AFF4: variants seen among roughly 807,000 people sequenced by gnomAD.
AFF4 encodes the protein ALF transcription elongation factor 4.
AFF4 carries 13 observed loss-of-function variants against 124.8 expected under a neutral mutation model. That is an observed-to-expected ratio of 0.10 (90% confidence interval 0.07 to 0.17). The LOEUF (loss-of-function observed/expected upper bound fraction) is 0.17, where lower values mean the gene tolerates loss of function less well. AFF4 is among the 10% of genes least tolerant of loss of function. The pLI, the probability that AFF4 is intolerant of heterozygous loss-of-function variation, is 1.00. For synonymous variants in AFF4, 477 were observed against 496.1 expected (o/e 0.96, Z 0.51); for missense variants, 1,092 against 1,403.8 (o/e 0.78, Z 3.55).
At chr5:132,963,218 G>A in intron 1 of AFF4, 41 bp downstream of exon 1, 1 of 387,600 alleles carries the variant, frequency 2.6e-6, no homozygotes, top group Non-Finnish European at 4.6e-6. Context: ...CAACCCCCGC[G>A]GCCCGGCCCG....
At position 132,877,912 on chromosome 5, in the gene AFF4, T is replaced by C. The variant is rs1759878788; in HGVS notation, c.*3147A>G. The C allele has an allele frequency of 8.9e-6, 2 of 224,714 alleles. No homozygotes were observed. The highest frequency in any genetic ancestry group is 3.7e-4 in the South Asian group (2 of 5,472). 13.9% of individuals were successfully genotyped at this position (224,714 alleles called of 1,614,324 possible). A position where few individuals can be genotyped will look rare whatever the true frequency, so the allele number is the denominator to read the frequency against. Reference sequence around the variant, plus strand: ...ATTCAAAGTGCAGCCCAAGTGCCTATGAATCCGCCACTGCCAGAGCTCCCA... The same window carrying C: ...ATTCAAAGTGCAGCCCAAGTGCCTACGAATCCGCCACTGCCAGAGCTCCCA... On this transcript the variant is annotated 3_prime_UTR_variant, in exon 21 of 21. Coordinates refer to ENST00000265343, the MANE Select transcript of AFF4 (RefSeq NM_014423.4).
At chr5:132,921,013 G>A (rs1226319299) in intron 5 of AFF4, among the ~76,000 whole-genome samples, 1 of 151,852 alleles carries the variant, frequency 6.6e-6, no homozygotes, top group African/African-American at 2.4e-5. Flanking sequence ...TGCAGTCCCA[G>A]CTACTCGAGA....
chr5:132,891,929 G>A (rs1329409064), intron 13 of AFF4: 3 of 621,890 alleles, frequency 4.8e-6, no homozygotes, highest in East Asian at 2.7e-5. Context: ...CTACAGGTAT[G>A]AGCCACTGTA....
chr5:132,931,255 C>A (rs1295485305), intron 4 of AFF4, among the ~76,000 whole-genome samples: 1 of 151,686 alleles, frequency 6.6e-6, no homozygotes, highest in Non-Finnish European at 1.5e-5. Flanking sequence ...GTGGTGAAAC[C>A]CCATCTCTAC....
At chr5:132,942,738 G>C (rs1761602962) in intron 1 of AFF4, among the ~76,000 whole-genome samples, 1 of 152,206 alleles carries the variant, frequency 6.6e-6, no homozygotes, top group Non-Finnish European at 1.5e-5. Flanking sequence ...GCTGGAATTA[G>C]AGGCGTAAGC....
At chr5:132,892,957 T>G in intron 12 of AFF4, 73 bp downstream of exon 12, 1 of 1,412,122 alleles carries the variant, frequency 7.1e-7, no homozygotes, top group Non-Finnish European at 1.0e-6. Flanking sequence ...TCAGAGCATG[T>G]CAGAAAGTAC....
intron 11 of AFF4, among the ~76,000 whole-genome samples, chr5:132,896,055 C>T (rs540944730): frequency 6.6e-6 from 1 of 152,376 alleles, no homozygotes; most frequent in South Asian, 2.1e-4. Flanking sequence ...CTGCTGCTCT[C>T]TAACCTCTAC....
intron 4 of AFF4, 89 bp downstream of exon 4, chr5:132,932,089 C>A: frequency 1.2e-6 from 1 of 835,354 alleles, no homozygotes; most frequent in South Asian, 2.2e-5. Context: ...GCTTCAGATC[C>A]TTTGTGAAAT....
intron 5 of AFF4, among the ~76,000 whole-genome samples, chr5:132,911,212 T>A (rs1401371802): frequency 6.6e-6 from 1 of 152,152 alleles, no homozygotes; most frequent in Non-Finnish European, 1.5e-5. Context: ...CACCATACAG[T>A]TCTTGGTATC....
intron 13 of AFF4, among the ~76,000 whole-genome samples, chr5:132,889,823 G>A (rs1760209863): frequency 6.6e-6 from 1 of 151,974 alleles, no homozygotes; most frequent in African/African-American, 2.4e-5. Flanking sequence ...TTTAAGAGAT[G>A]GGAGTCTTGC....
chr5:132,883,664 T>A (rs1760043643), intron 19 of AFF4, 104 bp from the exon 20 acceptor site: 3 of 1,002,944 alleles, frequency 3.0e-6, no homozygotes, highest in South Asian at 3.2e-5. Flanking sequence ...ATGTAAAGAT[T>A]CTCTTAAACT....
At chr5:132,921,772 T>C (rs1463671131) in intron 5 of AFF4, among the ~76,000 whole-genome samples, 1 of 151,860 alleles carries the variant, frequency 6.6e-6, no homozygotes, top group African/African-American at 2.4e-5. Flanking sequence ...AGCATGACAG[T>C]TGTTTTCTAA....
At chr5:132,895,821 A>G (rs1285946703) in intron 11 of AFF4, among the ~76,000 whole-genome samples, 1 of 152,356 alleles carries the variant, frequency 6.6e-6, no homozygotes, top group Non-Finnish European at 1.5e-5. Flanking sequence ...GTATTTAGGG[A>G]TGACAGCTGG....
intron 1 of AFF4, among the ~76,000 whole-genome samples, chr5:132,958,987 T>C (rs898429479): frequency 3.9e-5 from 6 of 152,218 alleles, no homozygotes; most frequent in Non-Finnish European, 7.3e-5. Flanking sequence ...GAAATGATTA[T>C]TGAAGTAATT....
chr5:132,904,572 C>T (rs1760627582), intron 5 of AFF4, among the ~76,000 whole-genome samples, 168 bp from the exon 6 acceptor site: 2 of 152,048 alleles, frequency 1.3e-5, no homozygotes, highest in Non-Finnish European at 2.9e-5. Flanking sequence ...ATGGACTTTC[C>T]CAGAGATTAA....
chr5:132,957,374 T>C (rs1314844422), intron 1 of AFF4, among the ~76,000 whole-genome samples: 4 of 151,926 alleles, frequency 2.6e-5, no homozygotes, highest in African/African-American at 9.7e-5. Flanking sequence ...TTTAAAATGT[T>C]ATTATTTAAA....
chr5:132,896,491 TG>T lies in AFF4; in HGVS notation c.2138del (p.Pro713HisfsTer4). The T allele has an allele frequency of 6.2e-7, 1 of 1,614,196 alleles. No individual in the cohort carries two copies. Among genetic ancestry groups the T allele is most frequent in the Non-Finnish European group, 8.5e-7 (1 of 1,180,028 alleles). ...GATTCAGGTCAATCTTCACAATAAG[TG>T]GGTACCTGTCATCAGGCTCACTGAG... ...SPLSEPDDRY[P>X]LIVKIDLNLL... On this transcript the variant is annotated frameshift_variant, in exon 11 of 21. Coordinates refer to ENST00000265343, the MANE Select transcript of AFF4 (RefSeq NM_014423.4). LOFTEE classifies it high-confidence loss of function.
intron 1 of AFF4, among the ~76,000 whole-genome samples, chr5:132,942,346 T>G (rs1337464841): frequency 6.6e-6 from 1 of 152,166 alleles, no homozygotes. Flanking sequence ...AGAGGCAAGA[T>G]GTACAATGGT....
chr5:132,882,754 C>A (rs56901322), intron 20 of AFF4, among the ~76,000 whole-genome samples: 5 of 150,392 alleles, frequency 3.3e-5, no homozygotes, highest in Non-Finnish European at 7.4e-5. Context: ...ACTCAGGAGG[C>A]TGAGCAGGAG....
Sources: allele counts gnomAD v4.1 joint callset (sites outside exome capture counted in the v4.1 genomes callset), GRCh38; gene constraint gnomAD v4.1.1; transcripts MANE v1.5; gene names NCBI Gene and HGNC (gene_info 2026-07-23, HGNC 2026-07-21).